Variants in GLT1D1 observed in about 807,000 individuals in gnomAD.
GLT1D1 encodes glycosyltransferase 1 domain containing 1, also known as glycosyltransferase 1 domain-containing protein 1.
In GLT1D1, 21 loss-of-function variants were observed where a neutral mutation model predicts 28.7. The observed-to-expected ratio is 0.73, with a 90% CI of 0.52 to 1.05. The LOEUF (loss-of-function observed/expected upper bound fraction) is 1.05, where lower values mean the gene tolerates loss of function less well. Ranked by LOEUF, GLT1D1 falls within the 50% of genes least tolerant of loss-of-function variation. GLT1D1 has a pLI of 0.00. For synonymous variants in GLT1D1, 147 were observed against 124.8 expected, an observed-to-expected ratio of 1.18 and a Z score of -1.19; for missense variants, 343 against 330.6, an observed-to-expected ratio of 1.04 and a Z score of -0.29.
intron 4 of GLT1D1, among the ~76,000 whole-genome samples, chr12:128,939,348 G>A (rs1874882733): frequency 6.6e-6 from 1 of 151,290 alleles, no homozygotes; most frequent in Non-Finnish European, 1.5e-5. Context: ...GATCACTTAA[G>A]GTCAGGAGTT....
At chr12:128,854,228 G>A (rs1956148871) in intron 1 of GLT1D1, among the ~76,000 whole-genome samples, 1 of 150,984 alleles carries the variant, frequency 6.6e-6, no homozygotes, top group Non-Finnish European at 1.5e-5. Flanking sequence ...CTGTGTTCTG[G>A]TCGCTGGAAC....
At chr12:128,974,880 C>G (rs1355366485) in intron 7 of GLT1D1, among the ~76,000 whole-genome samples, 2 of 152,228 alleles carry the variant, frequency 1.3e-5, no homozygotes, top group Non-Finnish European at 2.9e-5. Flanking sequence ...CCACTGGAGG[C>G]CCTTGGCCAG....
intron 1 of GLT1D1, among the ~76,000 whole-genome samples, chr12:128,867,625 C>A (rs943698597): frequency 6.6e-6 from 1 of 152,130 alleles, no homozygotes; most frequent in Non-Finnish European, 1.5e-5. Flanking sequence ...TTACCCTCTG[C>A]CTCGGGGGTC....
chr12:128,857,696 G>C (rs1205990501), intron 1 of GLT1D1, among the ~76,000 whole-genome samples: 1 of 152,160 alleles, frequency 6.6e-6, no homozygotes, highest in African/African-American at 2.4e-5. Flanking sequence ...TGGACACTTG[G>C]TGAAGGAGTT....
intron 1 of GLT1D1, among the ~76,000 whole-genome samples, chr12:128,855,193 C>G (rs1317590167): frequency 7.4e-6 from 1 of 134,704 alleles, no homozygotes; most frequent in African/African-American, 2.7e-5. Flanking sequence ...CCACTGCACT[C>G]TAGCCTGGGT....
rs569130989 is a variant in GLT1D1 at position 128,970,607 on chromosome 12, C to T, written c.640-12322C>T. Among the ~76,000 whole-genome samples, 14 of 152,368 alleles carry T rather than the reference C, an allele frequency of 9.2e-5. No individual in the cohort carries two copies. The East Asian group carries it at 1.2e-3, about 13-fold the overall frequency. ...GGCTTCTGAGGCCTTGCACAGCTTG[C>T]GCTGCCCCCTCCTCGTTCCAGGCTT... is the stretch of plus-strand genomic sequence containing the variant. On this transcript the variant is annotated intron_variant, in intron 7 of 7. Transcript: ENST00000281703.
intron 1 of GLT1D1, among the ~76,000 whole-genome samples, chr12:128,867,222 C>T (rs752150587): frequency 1.1e-4 from 16 of 151,142 alleles, no homozygotes; most frequent in Admixed American, 3.3e-4. Flanking sequence ...GGTGAAACCC[C>T]GTCTCTACTA....
chr12:128,902,258 C>T (rs1054427558), intron 4 of GLT1D1, among the ~76,000 whole-genome samples: 22 of 150,842 alleles, frequency 1.5e-4, no homozygotes, highest in African/African-American at 4.9e-4. Context: ...CCGAGGTGGG[C>T]GGATCACCTG....
chr12:128,870,901 G>A (rs1291458149), intron 1 of GLT1D1, among the ~76,000 whole-genome samples: 1 of 152,174 alleles, frequency 6.6e-6, no homozygotes, highest in Non-Finnish European at 1.5e-5. Flanking sequence ...TGAGACACAA[G>A]AATCGCTTGA....
chr12:128,962,268 T>C (rs1442648266), intron 7 of GLT1D1, among the ~76,000 whole-genome samples: 1 of 152,258 alleles, frequency 6.6e-6, no homozygotes, highest in Non-Finnish European at 1.5e-5. Context: ...TCAACTGTTC[T>C]CCTAGCTGCC....
chr12:128,971,504 C>G (rs1240041653), intron 7 of GLT1D1, among the ~76,000 whole-genome samples: 2 of 130,704 alleles, frequency 1.5e-5, no homozygotes, highest in East Asian at 2.6e-4. Flanking sequence ...CTCCCTCCCT[C>G]TCTCCCTTCC....
At chr12:128,927,999 C>CAAAAAAAAAAAAAAAAAA (rs938188484) in intron 4 of GLT1D1, among the ~76,000 whole-genome samples, 6 of 42,256 alleles carry the variant, frequency 1.4e-4, no homozygotes, top group Non-Finnish European at 1.9e-4. Context: ...GACTCTGTCT[C>CAAAAAAAAAAAAAAAAAA]AAAAAAAAAA....
intron 4 of GLT1D1, 63 bp downstream of exon 4, chr12:128,899,350 G>T (rs575407792): frequency 2.2e-6 from 3 of 1,374,436 alleles, no homozygotes; most frequent in African/African-American, 1.4e-5. Flanking sequence ...TTCGAGAACC[G>T]AAAGGCAGCC....
chr12:128,873,893 C>CTTTTTCTTTCTTTCTTTCCTTCTGTT (rs1566090383), intron 1 of GLT1D1, among the ~76,000 whole-genome samples: 3 of 109,658 alleles, frequency 2.7e-5, no homozygotes, highest in African/African-American at 1.1e-4. Context: ...CTCTCTCTTG[C>CTTTTTCTTTCTTTCTTTCCTTCTGTT]TCCCTTTCTC....
rs1191764931 is a variant in GLT1D1, at chr12:128,874,479, G to GCTTT, written c.69-1434_69-1431dup. On this transcript the variant is annotated intron_variant, in intron 1 of 7. Coordinates refer to ENST00000281703, the MANE Select transcript of GLT1D1 (RefSeq NM_144669.3). Reference sequence around the variant, plus strand: ...TTACAGGCTTGAGCCACTGTGGCTGGCTTTTTTTTTTTTTTTTTTTTGAGA... The same window carrying GCTTT: ...TTACAGGCTTGAGCCACTGTGGCTGGCTTTCTTTTTTTTTTTTTTTTTTTTGAGA... Among the ~76,000 whole-genome samples, 29 of 124,572 alleles carry GCTTT rather than the reference G, an allele frequency of 2.3e-4. No individual in the cohort carries two copies. The East Asian group carries it at 4.1e-3, about 18-fold the overall frequency. 81.7% of individuals were successfully genotyped at this position (124,572 alleles called of 152,430 possible).
chr12:128,864,648 C>CG, intron 1 of GLT1D1, among the ~76,000 whole-genome samples: 3 of 152,100 alleles, frequency 2.0e-5, no homozygotes, highest in Non-Finnish European at 4.4e-5. Context: ...GAGCCTGATT[C>CG]GGGGAGGATG....
intron 1 of GLT1D1, among the ~76,000 whole-genome samples, chr12:128,859,552 C>G (rs1183016037): frequency 6.6e-6 from 1 of 152,100 alleles, no homozygotes; most frequent in East Asian, 1.9e-4. Flanking sequence ...CAGCCCCTCC[C>G]CAAGAGTGAC....
chr12:128,888,001 C>A (rs1301981963), intron 2 of GLT1D1, among the ~76,000 whole-genome samples: 3 of 152,168 alleles, frequency 2.0e-5, no homozygotes, highest in African/African-American at 7.2e-5. Context: ...ATCAAGGAAG[C>A]AGGGAGTGGA....
Position 128,947,403 on chromosome 12 carries a change from G to T in GLT1D1, c.485G>T (p.Cys162Phe), listed in dbSNP as rs1297784651. Residue 162 changes from cysteine to phenylalanine, a missense_variant, in exon 6 of 8, where the codon TGC (cysteine) becomes TTC (phenylalanine). Physicochemically the swap from Cys to Phe is radical, Grantham distance 205 (BLOSUM62 -2). Coordinates refer to ENST00000281703, the MANE Select transcript of GLT1D1 (RefSeq NM_144669.3). Reference sequence around the variant, plus strand: ...GATCTGCACGCGGTGGTGAAGAATTGCTTCGCGGTGGTGAATAGCTCTGTC... The same window carrying T: ...GATCTGCACGCGGTGGTGAAGAATTTCTTCGCGGTGGTGAATAGCTCTGTC... 1.1e-5 allele frequency: 17 copies of T among 1,613,990 alleles called. 1 individual carries two copies. The highest frequency in any genetic ancestry group is 1.4e-5 in the Non-Finnish European group (17 of 1,180,010).
Sources: allele counts gnomAD v4.1 joint callset (sites outside exome capture counted in the v4.1 genomes callset), GRCh38; gene constraint gnomAD v4.1.1; transcripts MANE v1.5; gene names NCBI Gene and HGNC (gene_info 2026-07-23, HGNC 2026-07-21).